IARS1: variants seen among roughly 807,000 people sequenced by gnomAD.
IARS1 encodes isoleucyl-tRNA synthetase 1, also known as isoleucine--tRNA ligase, cytoplasmic.
A neutral mutation model predicts 168.2 loss-of-function variants in IARS1; 124 were observed. The observed-to-expected ratio is 0.74, with a 90% CI of 0.64 to 0.86. The LOEUF (loss-of-function observed/expected upper bound fraction) is 0.86, where lower values mean the gene tolerates loss of function less well. Ranked by LOEUF, IARS1 falls within the 40% of genes least tolerant of loss-of-function variation. The probability of loss-of-function intolerance (pLI) is 0.00; values close to 1 mark genes in which losing one functional copy is unlikely to be tolerated. For missense variants in IARS1, 1,452 were observed against 1,515.8 expected, an observed-to-expected ratio of 0.96 and a Z score of 0.70; for synonymous variants, 532 against 529.4, an observed-to-expected ratio of 1.00 and a Z score of -0.07.
intron 6 of IARS1, among the ~76,000 whole-genome samples, 166 bp from the exon 7 acceptor site, chr9:92,281,059 A>T (rs572305353): frequency 2.1e-4 from 32 of 152,264 alleles, no homozygotes; most frequent in African/African-American, 7.2e-4. Context: ...AAGTAAAAAA[A>T]TTTTTAAATA....
In IARS1 at chr9:92,210,246, TTAA is replaced by T. The variant is rs1235643939; in HGVS notation, c.*558_*560del. ...TTTATTAGATGTCTAGTCCACTGTCTTAATAAGAAACCACCATGAAGTTTTTAT... is the reference window on the plus strand; with the variant it reads ...TTTATTAGATGTCTAGTCCACTGTCTTAAGAAACCACCATGAAGTTTTTAT... On this transcript the variant is annotated 3_prime_UTR_variant, in exon 34 of 34. Coordinates refer to ENST00000443024, the MANE Select transcript of IARS1 (RefSeq NM_002161.6). 1.3e-5 allele frequency: 2 copies of T among 152,610 alleles called. No individual in the cohort carries two copies. The highest frequency in any genetic ancestry group is 4.8e-5 in the African/African-American group (2 of 41,458). 9.5% of individuals were successfully genotyped at this position (152,610 alleles called of 1,614,324 possible).
At chr9:92,282,747 G>A (rs1335570257) in intron 6 of IARS1, among the ~76,000 whole-genome samples, 2 of 151,834 alleles carry the variant, frequency 1.3e-5, no homozygotes, top group African/African-American at 2.4e-5. Context: ...TCCAGCCTAG[G>A]TGACAGACTG....
intron 33 of IARS1, among the ~76,000 whole-genome samples, chr9:92,213,265 A>G (rs1838071036): frequency 6.6e-6 from 1 of 152,192 alleles, no homozygotes; most frequent in African/African-American, 2.4e-5. Context: ...CCTCCGGTAT[A>G]TACAAACCGG....
intron 1 of IARS1, among the ~76,000 whole-genome samples, chr9:92,292,841 GTTTT>G (rs879550801): frequency 3.3e-5 from 5 of 152,138 alleles, no homozygotes; most frequent in Non-Finnish European, 7.4e-5. Flanking sequence ...CTAAAACCAT[GTTTT>G]GTTTAAAATT....
chr9:92,247,208 G>A (rs1391925031), intron 26 of IARS1, among the ~76,000 whole-genome samples, 169 bp downstream of exon 26: 2 of 151,962 alleles, frequency 1.3e-5, no homozygotes, highest in African/African-American at 2.4e-5. Flanking sequence ...AGAGAAGAGA[G>A]AAGAGAGAAA....
At chr9:92,272,245 T>C (rs554907053) in intron 10 of IARS1, among the ~76,000 whole-genome samples, 1 of 152,350 alleles carries the variant, frequency 6.6e-6, no homozygotes, top group Admixed American at 6.5e-5. Context: ...GAAACCACAC[T>C]CTGGGTTGAC....
At chr9:92,293,485 C>A (rs1407026330) in intron 1 of IARS1, 126 bp downstream of exon 1, 13 of 530,458 alleles carry the variant, frequency 2.5e-5, no homozygotes, top group Middle Eastern at 3.2e-4. Flanking sequence ...TGGAAACGAA[C>A]GAACGGCAAG....
At chr9:92,265,402 G>C in intron 15 of IARS1, 78 bp downstream of exon 15, 1 of 1,270,438 alleles carries the variant, frequency 7.9e-7, no homozygotes, top group East Asian at 2.3e-5. Context: ...TTCCATGTGT[G>C]GCTCTGTAAT....
At chr9:92,221,852 C>CTG (rs1221569674) in intron 33 of IARS1, among the ~76,000 whole-genome samples, 8 of 152,118 alleles carry the variant, frequency 5.3e-5, no homozygotes, top group African/African-American at 1.9e-4. Context: ...AGCTGTAAGG[C>CTG]TGTAATGTCA....
intron 5 of IARS1, 66 bp from the exon 6 acceptor site, chr9:92,285,905 G>A: frequency 1.1e-6 from 1 of 922,598 alleles, no homozygotes; most frequent in South Asian, 1.4e-5. Flanking sequence ...AAACATTTAT[G>A]CCATTTTCTT....
At chr9:92,251,964 A>G in intron 21 of IARS1, 79 bp from the exon 22 acceptor site, 1 of 1,043,406 alleles carries the variant, frequency 9.6e-7, no homozygotes. Flanking sequence ...TATTAAAAAG[A>G]GGCAATCTTC....
chr9:92,237,651 T>A (rs1411467127), intron 30 of IARS1, among the ~76,000 whole-genome samples: 1 of 152,362 alleles, frequency 6.6e-6, no homozygotes, highest in Admixed American at 6.5e-5. Context: ...TAGACGCATA[T>A]AAATTTAGGA....
At position 92,224,832 on chromosome 9, in the gene IARS1, C is replaced by CAAAAAATAAAAAATAAAAAAT. The variant is rs55925549; in HGVS notation, c.3410-1364_3410-1344dup. Among the ~76,000 whole-genome samples the CAAAAAATAAAAAATAAAAAAT allele has an allele frequency of 1.4e-3, 215 of 148,588 alleles. 2 individuals are homozygous for CAAAAAATAAAAAATAAAAAAT. Among genetic ancestry groups the CAAAAAATAAAAAATAAAAAAT allele is most frequent in the African/African-American group, 5.0e-3 (198 of 39,762 alleles). ...TGAGTGATCGAGTGAGACCCTGTCT[C>CAAAAAATAAAAAATAAAAAAT]AAAAAATAAAAAATAAAAAATAAAT... is the stretch of plus-strand genomic sequence containing the variant. On this transcript the variant is annotated intron_variant, in intron 31 of 33. Transcript: ENST00000443024.
At chr9:92,235,331 G>A (rs913195823) in intron 30 of IARS1, among the ~76,000 whole-genome samples, 5 of 152,002 alleles carry the variant, frequency 3.3e-5, no homozygotes, top group Non-Finnish European at 7.4e-5. Flanking sequence ...TCCCCATTAG[G>A]TATAATGGTA....
intron 2 of IARS1, among the ~76,000 whole-genome samples, 154 bp from the exon 3 acceptor site, chr9:92,288,436 G>A (rs1835799663): frequency 6.6e-6 from 1 of 152,156 alleles, no homozygotes; most frequent in South Asian, 2.1e-4. Flanking sequence ...TTTACTGGTG[G>A]TCCTGCCTTC....
At chr9:92,259,773 T>C (rs1049329367) in intron 18 of IARS1, among the ~76,000 whole-genome samples, 1 of 152,168 alleles carries the variant, frequency 6.6e-6, no homozygotes, top group African/African-American at 2.4e-5. Flanking sequence ...AGCATAGATA[T>C]ATCTCACATG....
intron 11 of IARS1, among the ~76,000 whole-genome samples, chr9:92,271,330 C>A (rs17518691): frequency 6.6e-6 from 1 of 152,184 alleles, no homozygotes; most frequent in Non-Finnish European, 1.5e-5. Context: ...TTTTTCTGAT[C>A]TTTCCCCATG....
intron 27 of IARS1, among the ~76,000 whole-genome samples, chr9:92,244,273 T>C (rs766955946): frequency 2.0e-5 from 3 of 152,182 alleles, no homozygotes; most frequent in Non-Finnish European, 4.4e-5. Flanking sequence ...CTTGCCACTG[T>C]CTTCCCACGT....
chr9:92,261,649 G>A (rs140002419), intron 17 of IARS1, among the ~76,000 whole-genome samples: 4 of 152,302 alleles, frequency 2.6e-5, no homozygotes, highest in African/African-American at 9.6e-5. Context: ...ATATACTGTA[G>A]TTTTGCAAAA....
Sources: gnomAD v4.1 joint callset for allele counts (sites outside exome capture counted in the v4.1 genomes callset) on GRCh38, gnomAD v4.1.1 for gene constraint, MANE v1.5 for transcripts, NCBI Gene and HGNC (gene_info 2026-07-23, HGNC 2026-07-21) for gene names.